Variants in PNPLA7 observed in about 807,000 individuals in gnomAD.
The protein encoded by PNPLA7 is patatin-like phospholipase domain-containing protein 7.
In PNPLA7, 153 loss-of-function variants were observed where a neutral mutation model predicts 161.7. The observed-to-expected ratio is 0.95, with a 90% CI of 0.83 to 1.08. PNPLA7 has a LOEUF of 1.08. Ranked by LOEUF, PNPLA7 falls within the 50% of genes least tolerant of loss-of-function variation. The pLI is 0.00. For missense variants in PNPLA7, 1,739 were observed against 1,856.6 expected (o/e 0.94, Z 1.16); for synonymous variants, 809 against 782.1 (o/e 1.03, Z -0.57).
Position 137,464,111 on chromosome 9 carries a change from A to G in PNPLA7, c.3226+15T>C, listed in dbSNP as rs759476309. On this transcript the variant is annotated intron_variant, in intron 28 of 34. Coordinates refer to ENST00000406427, the MANE Select transcript of PNPLA7 (RefSeq NM_001098537.3). Reference sequence around the variant, plus strand: ...TCGCACCCAAGCGGCCGCCCTGCGCAGCAGGAGTGCTCACCGTCGGTGTGG... The same window carrying G: ...TCGCACCCAAGCGGCCGCCCTGCGCGGCAGGAGTGCTCACCGTCGGTGTGG... 2.5e-6 allele frequency: 4 copies of G among 1,612,614 alleles called. No homozygotes were observed. Among genetic ancestry groups the G allele is most frequent in the East Asian group, 2.2e-5 (1 of 44,878 alleles).
intron 14 of PNPLA7, 86 bp from the exon 15 acceptor site, chr9:137,501,813 G>C: frequency 7.3e-7 from 1 of 1,363,790 alleles, no homozygotes; most frequent in East Asian, 2.5e-5. Context: ...GCTGTTCAGG[G>C]GCAACGAGCG....
At position 137,523,921 on chromosome 9, in the gene PNPLA7, C is replaced by T. The variant is rs1402736453; in HGVS notation, c.748-1064G>A. Among the ~76,000 whole-genome samples the T allele has an allele frequency of 6.6e-6, 1 of 152,100 alleles. No individual in the cohort carries two copies. The highest frequency in any genetic ancestry group is 6.6e-5 in the Admixed American group (1 of 15,266). On this transcript the variant is annotated intron_variant, in intron 8 of 34. Transcript: ENST00000406427. This position sits in a 1 kb window ranked among gnomAD's most constrained non-coding sequence, Gnocchi z 4.4. Reference sequence around the variant, plus strand: ...CTGGGATTACCGGCGTGAGCCACCACGCCTGGCTCAGATTATTCTGGAAAT... The same window carrying T: ...CTGGGATTACCGGCGTGAGCCACCATGCCTGGCTCAGATTATTCTGGAAAT...
intron 20 of PNPLA7, among the ~76,000 whole-genome samples, chr9:137,489,655 G>A (rs993955371): frequency 3.9e-5 from 6 of 152,142 alleles, no homozygotes; most frequent in Non-Finnish European, 7.3e-5. Context: ...AAGAGAGAAC[G>A]TCCTAGCAAA....
intron 29 of PNPLA7, chr9:137,463,116 G>C (rs1831298238): frequency 8.4e-6 from 5 of 591,934 alleles, no homozygotes; most frequent in Non-Finnish European, 1.5e-5. Flanking sequence ...CTGACTGTGG[G>C]CACAGATGGG....
chr9:137,461,573 C>G lies in PNPLA7; in HGVS notation c.3804G>C (p.Val1268=), dbSNP rs2132047532. 6.2e-7 allele frequency: 1 copy of G among 1,612,710 alleles called. No individual in the cohort carries two copies. The highest frequency in any genetic ancestry group is 8.5e-7 in the Non-Finnish European group (1 of 1,179,556). The change falls in exon 33 of 35, where the codon GTG becomes GTC. Residue 1268 remains valine, a synonymous_variant. Transcript: ENST00000406427. ...CGGGCTTGGCGGGCTCAATGCGAGA[C>G]ACAATTTCGGCAAGGTCCGTGAAGG... The part of the protein sequence containing the change: ...NASFTDLAEI[V]SRIEPAKPAM...
chr9:137,542,723 C>T lies in PNPLA7; in HGVS notation c.585G>A (p.Glu195=), dbSNP rs566066639. The T allele has an allele frequency of 6.4e-5, 103 of 1,613,698 alleles. 2 individuals are homozygous for T. The South Asian group carries it at 1.1e-3, about 17-fold the overall frequency. ...CCGGCTCCCTGGGCTGGAAGACGTGCTCCCCTTCCTGCAGCTGCACAAAGA... is the reference window on the plus strand; with the variant it reads ...CCGGCTCCCTGGGCTGGAAGACGTGTTCCCCTTCCTGCAGCTGCACAAAGA... ...HIVFVQLQEG[E]HVFQPREPDP... is the part of the protein sequence containing the mutation. Residue 195 remains glutamate (E), a synonymous_variant, in exon 7 of 35, where the codon GAG becomes GAA. Transcript: ENST00000406427.
In PNPLA7 at chr9:137,462,367, G is replaced by C. The variant is rs755731453; in HGVS notation, c.3493-36C>G. On this transcript the variant is annotated intron_variant, in intron 30 of 34. Transcript: ENST00000406427. ...CACAGCCGCCTGAGTCTCCTGCCCCGGCCCCTACCCCGTCCCAGCCTGGCC... is the reference window on the plus strand; with the variant it reads ...CACAGCCGCCTGAGTCTCCTGCCCCCGCCCCTACCCCGTCCCAGCCTGGCC... 16 of 1,568,750 alleles carry C rather than the reference G, an allele frequency of 1.0e-5. No homozygotes were observed. The Admixed American group carries it at 1.2e-4, about 12-fold the overall frequency.
At chr9:137,480,821 C>T (rs1000684453) in intron 22 of PNPLA7, 139 bp downstream of exon 22, 40 of 984,036 alleles carry the variant, frequency 4.1e-5, no homozygotes, top group Admixed American at 1.9e-4. Flanking sequence ...AAGGGAGTCA[C>T]GTCATCAGCC....
At chr9:137,460,839 G>A (rs974592407) in intron 33 of PNPLA7, 102 bp from the exon 34 acceptor site, 18 of 1,117,298 alleles carry the variant, frequency 1.6e-5, no homozygotes, top group African/African-American at 1.2e-4. Flanking sequence ...GCCCACCCCC[G>A]CCTCCAAGGT....
chr9:137,470,709 G>C (rs904735094), intron 25 of PNPLA7, among the ~76,000 whole-genome samples: 1 of 152,136 alleles, frequency 6.6e-6, no homozygotes, highest in African/African-American at 2.4e-5. Flanking sequence ...GTCTTACTCA[G>C]GTTTGAGTAG....
At position 137,497,194 on chromosome 9, in the gene PNPLA7, A is replaced by ACTC; in HGVS notation, c.2005_2006insGAG (p.Leu668_Val669insGly). ...GCAGGGCCCAGCACCTACCACGCCGACGAGGTCTCCTCGGCCGTACTCCCC... is the reference window on the plus strand; with the variant it reads ...GCAGGGCCCAGCACCTACCACGCCGACTCCGAGGTCTCCTCGGCCGTACTCCCC... On this transcript the variant is annotated inframe_insertion, in exon 18 of 35. Transcript: ENST00000406427. The ACTC allele has an allele frequency of 6.3e-7, 1 of 1,580,844 alleles. No homozygotes were observed. Among genetic ancestry groups the ACTC allele is most frequent in the Non-Finnish European group, 8.6e-7 (1 of 1,165,222 alleles).
intron 13 of PNPLA7, 98 bp downstream of exon 13, chr9:137,505,885 C>T: frequency 3.3e-6 from 5 of 1,520,586 alleles, no homozygotes; most frequent in Non-Finnish European, 4.5e-6. Context: ...GCTGCAGGTG[C>T]CACATGACAC....
chr9:137,542,620 G>A lies in PNPLA7; in HGVS notation c.666+22C>T, dbSNP rs750206394. On this transcript the variant is annotated intron_variant, in intron 7 of 34. Coordinates refer to ENST00000406427, the MANE Select transcript of PNPLA7 (RefSeq NM_001098537.3). ...GGTAAATGCGCAGCCGCCTGACCCCGCCCCGCCGCCCTGCGACTCACAGTG... is the reference window on the plus strand; with the variant it reads ...GGTAAATGCGCAGCCGCCTGACCCCACCCCGCCGCCCTGCGACTCACAGTG... 1.3e-5 allele frequency: 20 copies of A among 1,555,688 alleles called. No individual in the cohort carries two copies. The East Asian group carries it at 2.8e-4, about 22-fold the overall frequency.
intron 4 of PNPLA7, among the ~76,000 whole-genome samples, chr9:137,544,654 T>A (rs1836390770): frequency 6.6e-6 from 1 of 152,202 alleles, no homozygotes; most frequent in African/African-American, 2.4e-5. Context: ...TTTGTTCGTT[T>A]GTTTTTGAGA....
rs1042372576 is a variant in PNPLA7, at chr9:137,540,498, C to T, written c.747+144G>A. 7 of 705,200 alleles carry T rather than the reference C, an allele frequency of 9.9e-6. No homozygotes were observed. The highest frequency in any genetic ancestry group is 2.7e-5 in the Admixed American group (1 of 37,526). The allele number at this position is 705,200 out of a possible 1,614,324, so 43.7% of individuals were successfully genotyped here. A position where few individuals can be genotyped will look rare whatever the true frequency, so the allele number is the denominator to read the frequency against. On this transcript the variant is annotated intron_variant, in intron 8 of 34. Transcript: ENST00000406427. The surrounding 1 kb of genome is among the most constrained non-coding windows in gnomAD (Gnocchi z 5.1). ...TGAAGCTCCCTCCTCTTTCTTCCCT[C>T]CTTCCTGGACCAAACCCTGCTCCCC... is the stretch of plus-strand genomic sequence containing the variant.
Position 137,541,601 on chromosome 9 carries a change from T to A in PNPLA7, c.667-879A>T, listed in dbSNP as rs1363479972. On this transcript the variant is annotated intron_variant, in intron 7 of 34. Coordinates refer to ENST00000406427, the MANE Select transcript of PNPLA7 (RefSeq NM_001098537.3). The surrounding 1 kb of genome is among the most constrained non-coding windows in gnomAD (Gnocchi z 4.4). ...GCGTGCTTTAAATGAGAACAAGCAATGGGAAGTCTGGGTCGCAAACTGCCC... is the reference window on the plus strand; with the variant it reads ...GCGTGCTTTAAATGAGAACAAGCAAAGGGAAGTCTGGGTCGCAAACTGCCC... 8.8e-6 allele frequency: 5 copies of A among 567,622 alleles called. No homozygotes were observed. Among genetic ancestry groups the A allele is most frequent in the Non-Finnish European group, 1.1e-5 (5 of 448,062 alleles). 35.2% of individuals were successfully genotyped at this position (567,622 alleles called of 1,614,324 possible). A position where few individuals can be genotyped will look rare whatever the true frequency, so the allele number is the denominator to read the frequency against.
intron 12 of PNPLA7, among the ~76,000 whole-genome samples, chr9:137,512,281 T>C (rs1419972537): frequency 1.3e-5 from 2 of 152,240 alleles, no homozygotes; most frequent in African/African-American, 2.4e-5. Flanking sequence ...CGGCGAAGCC[T>C]GCACCACCAC....
chr9:137,526,674 T>G (rs1043754053), intron 8 of PNPLA7, among the ~76,000 whole-genome samples: 7 of 152,236 alleles, frequency 4.6e-5, no homozygotes, highest in African/African-American at 1.7e-4. Context: ...TGGTCACAAG[T>G]GTGAGTGGCC....
rs775681574 is a variant in PNPLA7 at position 137,462,671 on chromosome 9, C to G, written c.3492+14G>C. 8.1e-6 allele frequency: 13 copies of G among 1,612,924 alleles called. No individual in the cohort carries two copies. The highest frequency in any genetic ancestry group is 1.1e-5 in the Non-Finnish European group (13 of 1,179,546). ...AGCAGCAGGGACAGCCCAGCCTGCC[C>G]GGTAGCACCCCACCTTGACTTTCGT... On this transcript the variant is annotated intron_variant, in intron 30 of 34. Transcript: ENST00000406427.
Sources: gnomAD v4.1 joint callset for allele counts (sites outside exome capture counted in the v4.1 genomes callset) on GRCh38, gnomAD v4.1.1 for gene constraint, Gnocchi (gnomAD v3.1) non-coding constraint, MANE v1.5 for transcripts, NCBI Gene and HGNC (gene_info 2026-07-23, HGNC 2026-07-21) for gene names.